Variants in CRACDL observed in about 807,000 individuals in gnomAD.
CRACDL encodes CRACD like.
Under a neutral mutation model 70.6 loss-of-function variants are expected in CRACDL, and 26 were observed. The ratio of observed to expected loss-of-function variants is 0.37; its 90% confidence interval spans 0.27 to 0.51. The LOEUF is 0.51. Ranked by LOEUF, CRACDL falls within the 20% of genes least tolerant of loss-of-function variation. The pLI, the probability that CRACDL is intolerant of heterozygous loss-of-function variation, is 0.94. For missense variants in CRACDL, 1,283 were observed against 1,376.9 expected, an observed-to-expected ratio of 0.93 and a Z score of 1.08; for synonymous variants, 618 against 615.2, an observed-to-expected ratio of 1.00 and a Z score of -0.07.
rs575962179 is a variant in CRACDL, at chr2:98,901,117, G to A, written c.-11+34821C>T. On this transcript the variant is annotated intron_variant, in intron 1 of 9. Coordinates refer to ENST00000397899, the MANE Select transcript of CRACDL (RefSeq NM_207362.3). ...TTTTCCCTTGGCTCCACTACTTAGA[G>A]TACCGTGACCTTGGACAGGTTCTGC... Among the ~76,000 whole-genome samples the A allele has an allele frequency of 2.0e-5, 3 of 152,330 alleles. No homozygotes were observed. The South Asian group carries it at 6.2e-4, about 32-fold the overall frequency.
Position 98,875,200 on chromosome 2 carries a change from C to T in CRACDL, c.-10-28390G>A, listed in dbSNP as rs117769261. On this transcript the variant is annotated intron_variant, in intron 1 of 9. Coordinates refer to ENST00000397899, the MANE Select transcript of CRACDL (RefSeq NM_207362.3). ...GCAGGCACGGCCCCCCGCCCATGTA[C>T]ACCACGAGTCACAGAAGAGAGTGTG... 4.6e-5 allele frequency among the ~76,000 whole-genome samples: 7 copies of T among 152,362 alleles called. No homozygotes were observed. In the East Asian group the frequency reaches 7.7e-4, roughly 17 times the overall value.
chr2:98,885,692 C>T (rs1341800819), intron 1 of CRACDL, among the ~76,000 whole-genome samples: 1 of 152,150 alleles, frequency 6.6e-6, no homozygotes, highest in African/African-American at 2.4e-5. Context: ...AACCATTTTT[C>T]AAGCAATGGA....
intron 1 of CRACDL, among the ~76,000 whole-genome samples, chr2:98,878,402 T>C (rs1178838475): frequency 4.6e-5 from 7 of 152,234 alleles, no homozygotes; most frequent in Non-Finnish European, 7.3e-5. Flanking sequence ...GTGTTCAGTA[T>C]AGTAACATGC....
At chr2:98,812,274 TG>T (rs1228106275) in intron 7 of CRACDL, among the ~76,000 whole-genome samples, 1 of 152,162 alleles carries the variant, frequency 6.6e-6, no homozygotes, top group Non-Finnish European at 1.5e-5. Context: ...CGCACCTGGC[TG>T]GTTTTTGGTG....
At chr2:98,842,119 C>T (rs2104525181) in intron 2 of CRACDL, among the ~76,000 whole-genome samples, 1 of 152,080 alleles carries the variant, frequency 6.6e-6, no homozygotes, top group Middle Eastern at 3.4e-3. Flanking sequence ...ATTCTCAGCC[C>T]TTCTCTCCTC....
At chr2:98,915,910 C>T (rs1012999963) in intron 1 of CRACDL, among the ~76,000 whole-genome samples, 1 of 152,186 alleles carries the variant, frequency 6.6e-6, no homozygotes, top group African/African-American at 2.4e-5. Flanking sequence ...TGTTTCAAGG[C>T]ATGGCCAAGC....
chr2:98,923,851 A>C lies in CRACDL; in HGVS notation c.-11+12087T>G, dbSNP rs186077060. ...AACTTCATACTCAGAAAAACTGGGA[A>C]CTCTGGCTTTAGGGCAGAATTTCCA... is the stretch of plus-strand genomic sequence containing the variant. On this transcript the variant is annotated intron_variant, in intron 1 of 9. Coordinates refer to ENST00000397899, the MANE Select transcript of CRACDL (RefSeq NM_207362.3). Among the ~76,000 whole-genome samples the C allele has an allele frequency of 1.4e-4, 22 of 152,298 alleles. No individual in the cohort carries two copies. The East Asian group carries it at 4.1e-3, about 28-fold the overall frequency.
At chr2:98,916,592 TTA>T (rs1323601912) in intron 1 of CRACDL, among the ~76,000 whole-genome samples, 2 of 152,186 alleles carry the variant, frequency 1.3e-5, no homozygotes, top group East Asian at 1.9e-4. Flanking sequence ...AATCTCATTT[TTA>T]TATGTTTCCT....
At chr2:98,925,134 G>A (rs769572001) in intron 1 of CRACDL, among the ~76,000 whole-genome samples, 30 of 152,332 alleles carry the variant, frequency 2.0e-4, no homozygotes, top group Admixed American at 3.9e-4. Flanking sequence ...GGAAGGAGGA[G>A]GGAAGGAAGG....
At chr2:98,798,942 C>T (rs1703955652) in intron 7 of CRACDL, among the ~76,000 whole-genome samples, 1 of 152,148 alleles carries the variant, frequency 6.6e-6, no homozygotes, top group Non-Finnish European at 1.5e-5. Flanking sequence ...CCTCAGCTTC[C>T]CAAAGTGCTG....
intron 1 of CRACDL, among the ~76,000 whole-genome samples, chr2:98,934,570 C>T (rs1003783760): frequency 6.6e-6 from 1 of 152,138 alleles, no homozygotes; most frequent in African/African-American, 2.4e-5. Context: ...TTAGTGAGCC[C>T]CACATGACGC....
chr2:98,862,389 A>G (rs577443201), intron 1 of CRACDL, among the ~76,000 whole-genome samples: 1 of 152,332 alleles, frequency 6.6e-6, no homozygotes, highest in Non-Finnish European at 1.5e-5. Flanking sequence ...ATCACAAGGC[A>G]TACAAAGGAA....
intron 5 of CRACDL, 54 bp from the exon 6 acceptor site, chr2:98,827,223 A>G: frequency 7.7e-7 from 1 of 1,294,730 alleles, no homozygotes; most frequent in Non-Finnish European, 1.1e-6. Context: ...GTGTGAAATA[A>G]GGACGACCAA....
intron 1 of CRACDL, among the ~76,000 whole-genome samples, chr2:98,896,648 C>A (rs1343987865): frequency 2.0e-5 from 3 of 152,148 alleles, no homozygotes; most frequent in African/African-American, 7.2e-5. Context: ...TGTGTTTAAA[C>A]CTCAGCACAG....
intron 1 of CRACDL, among the ~76,000 whole-genome samples, chr2:98,864,631 C>T (rs1392754303): frequency 6.6e-6 from 1 of 151,862 alleles, no homozygotes; most frequent in African/African-American, 2.4e-5. Flanking sequence ...ACTGCAACCT[C>T]CGCCTCCTAG....
intron 1 of CRACDL, among the ~76,000 whole-genome samples, chr2:98,888,249 T>A (rs140550158): frequency 6.6e-6 from 1 of 152,346 alleles, no homozygotes; most frequent in Admixed American, 6.5e-5. Context: ...AAATAAAACA[T>A]AGTATAAATA....
At chr2:98,889,866 AT>A (rs1337041143) in intron 1 of CRACDL, among the ~76,000 whole-genome samples, 1 of 152,246 alleles carries the variant, frequency 6.6e-6, no homozygotes, top group Admixed American at 6.5e-5. Context: ...AATTTGAGAA[AT>A]TCACAAATAG....
chr2:98,832,427 C>T lies in CRACDL; in HGVS notation c.461G>A (p.Ser154Asn), dbSNP rs1432747172. The change falls in exon 5 of 10, where the codon AGC becomes AAC. Residue 154 changes from serine (S) to asparagine (N), a missense_variant. Physicochemically the swap from Ser to Asn is conservative, Grantham distance 46. Transcript: ENST00000397899. ...PAKRGEDAGM[S>N]SEDDGLPRSP... ...CCTGGGCAGCCCGTCGTCCTCAGAG[C>T]TCATGCCGGCATCCTCTCCCCGCTT... The T allele has an allele frequency of 3.7e-6, 6 of 1,614,060 alleles. No individual in the cohort carries two copies. The highest frequency in any genetic ancestry group is 3.3e-5 in the Admixed American group (2 of 60,010).
At chr2:98,805,299 A>AC (rs1327742001) in intron 7 of CRACDL, among the ~76,000 whole-genome samples, 1 of 151,414 alleles carries the variant, frequency 6.6e-6, no homozygotes, top group Non-Finnish European at 1.5e-5. Context: ...AAATAACAAA[A>AC]CCCCCCCTAA....
Sources: allele counts gnomAD v4.1 joint callset (sites outside exome capture counted in the v4.1 genomes callset), GRCh38; gene constraint gnomAD v4.1.1; transcripts MANE v1.5; gene names NCBI Gene and HGNC (gene_info 2026-07-23, HGNC 2026-07-21).